SORT1: variants seen among roughly 807,000 people sequenced by gnomAD.
SORT1 encodes the protein sortilin.
Under a neutral mutation model 101.7 loss-of-function variants are expected in SORT1, and 39 were observed. That is an observed-to-expected ratio of 0.38 (90% CI 0.30 to 0.50). SORT1 has a LOEUF of 0.50. SORT1 is among the 20% of genes least tolerant of loss of function. The probability of loss-of-function intolerance (pLI) is 0.90; values close to 1 mark genes in which losing one functional copy is unlikely to be tolerated. For synonymous variants in SORT1, 396 were observed against 393.7 expected (o/e 1.01, Z -0.07); for missense variants, 878 against 1,040.4 (o/e 0.84, Z 2.15).
Position 109,347,826 on chromosome 1 carries a change from T to C in SORT1, c.783-294A>G, listed in dbSNP as rs147343995. On this transcript the variant is annotated intron_variant, in intron 6 of 19. Transcript: ENST00000256637. ...CTCTGACATTTTTGATCATCACAAC[T>C]GAGGGGTGGGTGGCGGAGGTGTTAT... Among the ~76,000 whole-genome samples the C allele has an allele frequency of 3.5e-4, 54 of 152,242 alleles. 1 individual carries two copies. In the East Asian group the frequency reaches 9.5e-3, roughly 27 times the overall value.
At chr1:109,317,564 C>T (rs1347394327) in intron 16 of SORT1, among the ~76,000 whole-genome samples, 3 of 152,202 alleles carry the variant, frequency 2.0e-5, no homozygotes, top group Admixed American at 2.0e-4. Flanking sequence ...CTCGCCTCTC[C>T]TCCCTTCCTG....
chr1:109,335,651 GT>G (rs992897764), intron 11 of SORT1, among the ~76,000 whole-genome samples: 45 of 149,828 alleles, frequency 3.0e-4, no homozygotes, highest in East Asian at 1.6e-3. Flanking sequence ...TAAAAAGCTT[GT>G]TTTTTTTTTC....
intron 3 of SORT1, among the ~76,000 whole-genome samples, chr1:109,362,558 A>T (rs1178288170): frequency 1.3e-5 from 2 of 152,088 alleles, no homozygotes; most frequent in African/African-American, 4.8e-5. Context: ...TTATTTAACT[A>T]TGTTGTGTTT....
chr1:109,366,945 C>T (rs988737871), intron 3 of SORT1: 6 of 148,962 alleles, frequency 4.0e-5, no homozygotes, highest in African/African-American at 1.5e-4. Flanking sequence ...AAAAAGTGTG[C>T]TAAGGGCCGG....
chr1:109,368,884 C>T (rs1651274264), intron 2 of SORT1: 2 of 152,328 alleles, frequency 1.3e-5, no homozygotes, highest in Non-Finnish European at 1.5e-5. Context: ...TTTTCTGTTT[C>T]TATATAGGGG....
chr1:109,339,976 C>A (rs1649101736), intron 10 of SORT1, among the ~76,000 whole-genome samples: 1 of 151,848 alleles, frequency 6.6e-6, no homozygotes. Flanking sequence ...TGGTGAAACC[C>A]CATCTCTACT....
chr1:109,374,912 T>C (rs1396299544), intron 1 of SORT1, among the ~76,000 whole-genome samples: 1 of 152,060 alleles, frequency 6.6e-6, no homozygotes, highest in African/African-American at 2.4e-5. Context: ...TGAGCCAAGA[T>C]TGCACGACTG....
In SORT1 at chr1:109,393,388, T is replaced by C. The variant is rs375399061; in HGVS notation, c.306+4199A>G. 409 of 803,224 alleles carry C rather than the reference T, an allele frequency of 5.1e-4. 5 individuals carry two copies. In the South Asian group the frequency reaches 0.021, roughly 41 times the overall value. 49.8% of individuals were successfully genotyped at this position (803,224 alleles called of 1,614,324 possible). On this transcript the variant is annotated intron_variant, in intron 1 of 19. Transcript: ENST00000256637. ...GTTTTAAGGAAATTGTCAAATGGTC[T>C]GTACACAGGAATGAGAAGTAAGGAA...
At chr1:109,385,780 A>G (rs1297854293) in intron 1 of SORT1, among the ~76,000 whole-genome samples, 2 of 152,248 alleles carry the variant, frequency 1.3e-5, no homozygotes, top group South Asian at 2.1e-4. Context: ...ATCAGTTTAA[A>G]TAATTTCTCA....
In SORT1 at chr1:109,350,982, C is replaced by G. The variant is rs763678211; in HGVS notation, c.729G>C (p.Lys243Asn). 57 of 1,611,684 alleles carry G rather than the reference C, an allele frequency of 3.5e-5. No homozygotes were observed. The highest frequency in any genetic ancestry group is 4.8e-5 in the Non-Finnish European group (57 of 1,177,836). Residue 243 changes from lysine (K) to asparagine (N), a missense_variant, in exon 6 of 20, where the codon AAG (lysine) becomes AAC (asparagine). Coordinates refer to ENST00000256637, the MANE Select transcript of SORT1 (RefSeq NM_002959.7). Reference protein sequence around the residue: ...LSTENGLWVSKNFGGKWEEIH... With the variant: ...LSTENGLWVSNNFGGKWEEIH... ...TTTCTTCCCATTTTCCCCCAAAATT[C>G]TTGGACACCCACAGGCCATTCTGAA...
chr1:109,367,258 CAT>C (rs1177096722), intron 3 of SORT1, 148 bp downstream of exon 3: 20 of 565,542 alleles, frequency 3.5e-5, no homozygotes, highest in South Asian at 3.0e-4. Context: ...ACAACAAAAA[CAT>C]GTGCTGAGTG....
At chr1:109,353,506 TTGA>T (rs1277365944) in intron 5 of SORT1, among the ~76,000 whole-genome samples, 2 of 152,100 alleles carry the variant, frequency 1.3e-5, no homozygotes, top group Non-Finnish European at 2.9e-5. Context: ...TTGTTCACGG[TTGA>T]TGATCTTGTT....
Position 109,375,646 on chromosome 1 carries a change from G to A in SORT1, c.307-6057C>T, listed in dbSNP as rs374172477. 1.5e-4 allele frequency among the ~76,000 whole-genome samples: 23 copies of A among 150,234 alleles called. No homozygotes were observed. The East Asian group carries it at 2.9e-3, about 19-fold the overall frequency. On this transcript the variant is annotated intron_variant, in intron 1 of 19. Coordinates refer to ENST00000256637, the MANE Select transcript of SORT1 (RefSeq NM_002959.7). The stretch of plus-strand genomic sequence containing the variant: ...CAGAAACCCTAAGCTCAAGAAACAC[G>A]ATGAAAAATACACCAAAGCACATCA...
intron 15 of SORT1, among the ~76,000 whole-genome samples, chr1:109,319,337 T>C (rs1476609490): frequency 1.3e-5 from 2 of 152,142 alleles, no homozygotes; most frequent in Non-Finnish European, 2.9e-5. Flanking sequence ...TTGGTTCCCC[T>C]CCTCCGACCT....
chr1:109,369,701 CA>C, intron 1 of SORT1, 112 bp from the exon 2 acceptor site: 1 of 748,258 alleles, frequency 1.3e-6, no homozygotes, highest in Middle Eastern at 2.3e-4. Flanking sequence ...TTCATAATTA[CA>C]AAGTGGGTAT....
chr1:109,390,000 T>C (rs532326284), intron 1 of SORT1: 1 of 151,994 alleles, frequency 6.6e-6, no homozygotes, highest in East Asian at 1.9e-4. Flanking sequence ...AAGAGCTATC[T>C]TTTTTTTAAC....
Position 109,354,408 on chromosome 1 carries a change from T to A in SORT1, c.667A>T (p.Ser223Cys). The A allele has an allele frequency of 6.2e-7, 1 of 1,613,768 alleles. No homozygotes were observed. Among genetic ancestry groups the A allele is most frequent in the South Asian group, 1.1e-5 (1 of 91,074 alleles). Residue 223 changes from serine to cysteine, a missense_variant, in exon 5 of 20, where the codon AGC (serine) becomes TGC (cysteine). By Grantham distance (112) the Ser-to-Cys change is moderately radical (BLOSUM62 -1). Coordinates refer to ENST00000256637, the MANE Select transcript of SORT1 (RefSeq NM_002959.7). ...AAAAGATAATCAGAATTCTGAGGGC[T>A]ATACATCATCTGAGTGAGAGGATGA... ...PFHPLTQMMY[S>C]PQNSDYLLAL...
At position 109,370,408 on chromosome 1, in the gene SORT1, T is replaced by C. The variant is rs375712683; in HGVS notation, c.307-819A>G. Reference sequence around the variant, plus strand: ...ACCACATAGAGATATTCAAGGTTAATATTATATGTATTAATACAATCGTCT... The same window carrying C: ...ACCACATAGAGATATTCAAGGTTAACATTATATGTATTAATACAATCGTCT... On this transcript the variant is annotated intron_variant, in intron 1 of 19. Coordinates refer to ENST00000256637, the MANE Select transcript of SORT1 (RefSeq NM_002959.7). Among the ~76,000 whole-genome samples the C allele has an allele frequency of 8.5e-5, 13 of 152,266 alleles. No homozygotes were observed. The East Asian group carries it at 2.3e-3, about 27-fold the overall frequency.
intron 16 of SORT1, 103 bp downstream of exon 16, chr1:109,317,750 A>C (rs1050731107): frequency 3.8e-6 from 3 of 784,084 alleles, no homozygotes; most frequent in African/African-American, 3.5e-5. Flanking sequence ...CGCCAAAAAT[A>C]GTGCTCTAAA....
Sources: allele counts gnomAD v4.1 joint callset (sites outside exome capture counted in the v4.1 genomes callset), GRCh38; gene constraint gnomAD v4.1.1; transcripts MANE v1.5; gene names NCBI Gene and HGNC (gene_info 2026-07-23, HGNC 2026-07-21).